SPECC1: variants seen among roughly 807,000 people sequenced by gnomAD.
SPECC1 encodes cytospin-B.
In SPECC1, 62 loss-of-function variants were observed where a neutral mutation model predicts 104.1. The ratio of observed to expected loss-of-function variants is 0.60; its 90% confidence interval spans 0.49 to 0.74. The LOEUF is 0.74. Ranked by LOEUF, SPECC1 falls within the 30% of genes least tolerant of loss-of-function variation. SPECC1 has a pLI of 0.00. For missense variants in SPECC1, 1,306 were observed against 1,310.5 expected (o/e 1.00, Z 0.05); for synonymous variants, 513 against 501.6 (o/e 1.02, Z -0.30).
At chr17:20,199,413 A>G (rs1489096998) in intron 3 of SPECC1, among the ~76,000 whole-genome samples, 1 of 90,940 alleles carries the variant, frequency 1.1e-5, no homozygotes, top group Non-Finnish European at 2.2e-5. Flanking sequence ...TTTTTTTTTT[A>G]AATAGAGACA....
intron 1 of SPECC1, among the ~76,000 whole-genome samples, chr17:20,078,180 G>A (rs1021000978): frequency 6.6e-6 from 1 of 150,504 alleles, no homozygotes; most frequent in Admixed American, 6.6e-5. Flanking sequence ...TTGGGAGACA[G>A]GAAAGGTTGT....
intron 1 of SPECC1, among the ~76,000 whole-genome samples, chr17:20,018,602 T>C (rs1013518915): frequency 3.3e-5 from 5 of 152,344 alleles, no homozygotes; most frequent in African/African-American, 9.6e-5. Flanking sequence ...CCCAGGACCA[T>C]GCTCAGATCT....
rs770162705 is a variant in SPECC1, at chr17:20,316,431, G to A, written c.*2366G>A. On this transcript the variant is annotated 3_prime_UTR_variant, in exon 15 of 15. Coordinates refer to ENST00000395527, the MANE Select transcript of SPECC1 (RefSeq NM_001243439.2). Reference sequence around the variant, plus strand: ...GCCCAGGCTGGAGGGCAATAGCACCGTCTCAGCTCACTGCAACCTCCGCCG... The same window carrying A: ...GCCCAGGCTGGAGGGCAATAGCACCATCTCAGCTCACTGCAACCTCCGCCG... The A allele has an allele frequency of 1.8e-4, 36 of 202,202 alleles. No homozygotes were observed. Among genetic ancestry groups the A allele is most frequent in the Admixed American group, 4.8e-4 (8 of 16,678 alleles). 12.5% of individuals were successfully genotyped at this position (202,202 alleles called of 1,614,324 possible). A position where few individuals can be genotyped will look rare whatever the true frequency, so the allele number is the denominator to read the frequency against.
intron 3 of SPECC1, chr17:20,155,799 G>A (rs1401846791): frequency 2.0e-6 from 1 of 503,554 alleles, no homozygotes; most frequent in African/African-American, 2.0e-5. Flanking sequence ...TCCGCGGGCG[G>A]AGGCCTGCAG....
At chr17:20,255,370 T>C (rs2151577006) in intron 10 of SPECC1, among the ~76,000 whole-genome samples, 1 of 152,314 alleles carries the variant, frequency 6.6e-6, no homozygotes, top group South Asian at 2.1e-4. Flanking sequence ...GCTTGCTGTG[T>C]AGCACAAAAG....
chr17:20,099,818 G>A (rs1370390761), intron 2 of SPECC1, among the ~76,000 whole-genome samples: 1 of 151,506 alleles, frequency 6.6e-6, no homozygotes, highest in Non-Finnish European at 1.5e-5. Flanking sequence ...ATAGGTTCAT[G>A]TTTTGGAAAC....
At chr17:20,281,287 A>G (rs760241277) in intron 12 of SPECC1, among the ~76,000 whole-genome samples, 3 of 152,210 alleles carry the variant, frequency 2.0e-5, no homozygotes, top group Non-Finnish European at 2.9e-5. Context: ...AGGACTTACT[A>G]TAAAAGAAAG....
At chr17:20,206,818 G>A (rs2036815096) in intron 4 of SPECC1, among the ~76,000 whole-genome samples, 1 of 152,102 alleles carries the variant, frequency 6.6e-6, no homozygotes, top group Non-Finnish European at 1.5e-5. Flanking sequence ...TCATCCTAGC[G>A]GTCATGAGAT....
At chr17:20,013,819 A>G (rs993156714) in intron 1 of SPECC1, among the ~76,000 whole-genome samples, 6 of 152,142 alleles carry the variant, frequency 3.9e-5, no homozygotes, top group African/African-American at 1.4e-4. Context: ...TTTCATTCTC[A>G]TTGCTGTGTA....
intron 2 of SPECC1, among the ~76,000 whole-genome samples, chr17:20,105,676 T>TA (rs1567846692): frequency 6.6e-6 from 1 of 152,196 alleles, no homozygotes; most frequent in Admixed American, 6.5e-5. Flanking sequence ...CCCCTGTTCT[T>TA]ATCATGACTG....
At chr17:20,031,531 A>G (rs12948855) in intron 1 of SPECC1, among the ~76,000 whole-genome samples, 1 of 152,256 alleles carries the variant, frequency 6.6e-6, no homozygotes, top group East Asian at 1.9e-4. Flanking sequence ...CATGTTAATC[A>G]TTTTTAAGTA....
intron 2 of SPECC1, among the ~76,000 whole-genome samples, chr17:20,104,758 AAAAAAAAAG>A (rs1567845671): frequency 8.0e-5 from 12 of 150,162 alleles, no homozygotes; most frequent in African/African-American, 2.2e-4. Context: ...AAAAAAAAAA[AAAAAAAAAG>A]AAAAAAAAAT....
At chr17:20,255,591 A>G (rs2039796351) in intron 10 of SPECC1, among the ~76,000 whole-genome samples, 1 of 152,110 alleles carries the variant, frequency 6.6e-6, no homozygotes, top group South Asian at 2.1e-4. Context: ...TCTTTGAGAG[A>G]GAGTCTTGCT....
chr17:20,031,460 C>T (rs532896873), intron 1 of SPECC1, among the ~76,000 whole-genome samples: 2 of 152,272 alleles, frequency 1.3e-5, no homozygotes, highest in South Asian at 4.1e-4. Flanking sequence ...GCTGGGATTA[C>T]AGGTGCCCGC....
intron 1 of SPECC1, among the ~76,000 whole-genome samples, chr17:20,026,142 A>G (rs2044590864): frequency 6.6e-6 from 1 of 151,152 alleles, no homozygotes; most frequent in African/African-American, 2.4e-5. Flanking sequence ...TAATTTGCAG[A>G]TATTTTATTT....
intron 12 of SPECC1, among the ~76,000 whole-genome samples, chr17:20,296,241 C>G (rs2041346379): frequency 6.6e-6 from 1 of 152,208 alleles, no homozygotes; most frequent in African/African-American, 2.4e-5. Context: ...CTACATATGG[C>G]TAGCCAGTTT....
rs550626168 is a variant in SPECC1 at position 20,068,427 on chromosome 17, A to C, written c.-21-28204A>C. Among the ~76,000 whole-genome samples the C allele has an allele frequency of 6.6e-5, 10 of 152,252 alleles. No homozygotes were observed. In the East Asian group the frequency reaches 1.5e-3, roughly 23 times the overall value. On this transcript the variant is annotated intron_variant, in intron 1 of 14. Transcript: ENST00000395527. Reference sequence around the variant, plus strand: ...TTTTTTCTACTTTATGGCTACTGTGATTAGTGCTATTGTGAACATTTGTCT... The same window carrying C: ...TTTTTTCTACTTTATGGCTACTGTGCTTAGTGCTATTGTGAACATTTGTCT...
At chr17:20,168,308 A>G (rs2033823865) in intron 3 of SPECC1, among the ~76,000 whole-genome samples, 3 of 152,212 alleles carry the variant, frequency 2.0e-5, no homozygotes, top group South Asian at 4.1e-4. Flanking sequence ...GAATGCAAAA[A>G]TATTATTATA....
At chr17:20,016,217 C>CAAA (rs71157853) in intron 1 of SPECC1, among the ~76,000 whole-genome samples, 1 of 104,050 alleles carries the variant, frequency 9.6e-6, no homozygotes, top group East Asian at 3.5e-4. Flanking sequence ...GACTCCATCT[C>CAAA]AAAAAAAAAA....
Sources: gnomAD v4.1 joint callset for allele counts (sites outside exome capture counted in the v4.1 genomes callset) on GRCh38, gnomAD v4.1.1 for gene constraint, MANE v1.5 for transcripts, NCBI Gene and HGNC (gene_info 2026-07-23, HGNC 2026-07-21) for gene names.